Variants in TP53BP2 observed in about 807,000 individuals in gnomAD.
TP53BP2 encodes tumor protein p53 binding protein 2.
In TP53BP2, 62 loss-of-function variants were observed where a neutral mutation model predicts 126.2. That is an observed-to-expected ratio of 0.49 (90% CI 0.40 to 0.61). The LOEUF is 0.61. Ranked by LOEUF, TP53BP2 falls within the 20% of genes least tolerant of loss-of-function variation. The pLI, the probability that TP53BP2 is intolerant of heterozygous loss-of-function variation, is 0.00. For missense variants in TP53BP2, 1,215 were observed against 1,402.8 expected (o/e 0.87, Z 2.14); for synonymous variants, 485 against 502.9 (o/e 0.96, Z 0.48).
At chr1:223,790,159 G>A (rs1173889735) in intron 15 of TP53BP2, among the ~76,000 whole-genome samples, 4 of 152,018 alleles carry the variant, frequency 2.6e-5, no homozygotes, top group African/African-American at 9.7e-5. Context: ...TGGGGAGGCT[G>A]AGGCATGAGA....
intron 1 of TP53BP2, among the ~76,000 whole-genome samples, chr1:223,831,253 G>A (rs996196446): frequency 3.4e-5 from 5 of 148,698 alleles, no homozygotes; most frequent in Non-Finnish European, 6.0e-5. Flanking sequence ...AAATAGCTCG[G>A]TGTGGTAGCA....
chr1:223,844,145 G>C (rs1454817518), intron 1 of TP53BP2, among the ~76,000 whole-genome samples: 3 of 152,170 alleles, frequency 2.0e-5, no homozygotes, highest in African/African-American at 7.2e-5. Flanking sequence ...TGACTTCAAA[G>C]CTGGTGTAAG....
chr1:223,841,245 C>CAGGAAATAAATAAATA (rs1553264824), intron 1 of TP53BP2, among the ~76,000 whole-genome samples: 9 of 66,352 alleles, frequency 1.4e-4, no homozygotes, highest in Admixed American at 1.5e-4. Context: ...GACTCCGTCT[C>CAGGAAATAAATAAATA]AAGAAATAAA....
At chr1:223,843,381 G>A (rs543038660) in intron 1 of TP53BP2, among the ~76,000 whole-genome samples, 1 of 152,220 alleles carries the variant, frequency 6.6e-6, no homozygotes, top group Admixed American at 6.5e-5. Flanking sequence ...ATGTTGGCCA[G>A]GAGGGTCTCA....
chr1:223,790,024 C>A (rs1411223457), intron 15 of TP53BP2, among the ~76,000 whole-genome samples: 5 of 152,052 alleles, frequency 3.3e-5, no homozygotes, highest in Admixed American at 1.3e-4. Flanking sequence ...TGGCTCCCAG[C>A]ACTTTGGGAG....
Position 223,814,263 on chromosome 1 carries a change from T to G in TP53BP2, c.266A>C (p.Glu89Ala). Residue 89 changes from glutamate to alanine, a missense_variant, in exon 3 of 18, where the codon GAA becomes GCA. This residue lies in a region of TP53BP2 where 814 missense variants were observed against 853.0 expected (regional missense o/e 0.95). Coordinates refer to ENST00000343537, the MANE Select transcript of TP53BP2 (RefSeq NM_001031685.3). ...RNEVRFFLRH[E>A]RPPGRDIVSG... ...ACCAATGTCCCTGCCAGGGGGGCGT[T>G]CATGACGAAGGAAGAAGCGAACTTC... is the stretch of plus-strand genomic sequence containing the variant. The G allele has an allele frequency of 9.3e-6, 15 of 1,613,768 alleles. No individual in the cohort carries two copies. The highest frequency in any genetic ancestry group is 1.3e-5 in the Non-Finnish European group (15 of 1,179,734).
At chr1:223,789,756 T>C (rs553006337) in intron 15 of TP53BP2, among the ~76,000 whole-genome samples, 8 of 152,278 alleles carry the variant, frequency 5.3e-5, no homozygotes, top group East Asian at 1.9e-4. Flanking sequence ...ATTTCAACTA[T>C]AGGTAACTGG....
rs1242527561 is a variant in TP53BP2, at chr1:223,831,500, T to A, written c.28-10133A>T. 3.1e-4 allele frequency among the ~76,000 whole-genome samples: 40 copies of A among 130,424 alleles called. 1 individual carries two copies. The highest frequency in any genetic ancestry group is 1.1e-3 in the African/African-American group (38 of 33,062). 85.6% of individuals were successfully genotyped at this position (130,424 alleles called of 152,430 possible). On this transcript the variant is annotated intron_variant, in intron 1 of 17. Transcript: ENST00000343537. ...AAAAAAATATATATATATATATATA[T>A]ATATATATATATATATACTGACCTG...
chr1:223,830,155 C>T (rs915543590), intron 1 of TP53BP2, among the ~76,000 whole-genome samples: 1 of 152,108 alleles, frequency 6.6e-6, no homozygotes, highest in Non-Finnish European at 1.5e-5. Flanking sequence ...ACGCTTGGGA[C>T]CAGAAGTGTC....
intron 1 of TP53BP2, among the ~76,000 whole-genome samples, chr1:223,828,855 T>C (rs6661816): frequency 0.27 from 41,276 of 151,932 alleles, 7,564 homozygotes; most frequent in African/African-American, 0.52. Flanking sequence ...CTGATAAAGG[T>C]ATGGGGTTTC....
intron 2 of TP53BP2, among the ~76,000 whole-genome samples, chr1:223,817,232 A>AGAAAGGAGGAGGGGGAGG: frequency 2.0e-5 from 1 of 50,432 alleles, no homozygotes; most frequent in Non-Finnish European, 4.0e-5. Context: ...GGAGGGGGAG[A>AGAAAGGAGGAGGGGGAGG]GAAAGGATGA....
intron 13 of TP53BP2, among the ~76,000 whole-genome samples, chr1:223,794,361 C>T (rs1264596275): frequency 6.6e-6 from 1 of 152,146 alleles, no homozygotes; most frequent in Non-Finnish European, 1.5e-5. Context: ...TGTGCAATGA[C>T]TAAAATGTTG....
intron 16 of TP53BP2, among the ~76,000 whole-genome samples, chr1:223,787,829 G>T (rs565006423): frequency 9.9e-5 from 15 of 152,280 alleles, no homozygotes; most frequent in African/African-American, 3.1e-4. Context: ...AGTGAGCTGT[G>T]ATTGTGCCAC....
At chr1:223,819,305 T>G (rs971562560) in intron 2 of TP53BP2, among the ~76,000 whole-genome samples, 1 of 151,608 alleles carries the variant, frequency 6.6e-6, no homozygotes, top group Non-Finnish European at 1.5e-5. Flanking sequence ...AGGAACAGAG[T>G]ACAGCCCTGG....
At chr1:223,830,839 C>T (rs1454750080) in intron 1 of TP53BP2, among the ~76,000 whole-genome samples, 2 of 152,180 alleles carry the variant, frequency 1.3e-5, no homozygotes, top group Non-Finnish European at 2.9e-5. Context: ...TGGCTCACGC[C>T]TGTAATCCCA....
Position 223,796,309 on chromosome 1 carries a change from T to C in TP53BP2, c.2230A>G (p.Ile744Val), listed in dbSNP as rs372995866. The change falls in exon 13 of 18, where the codon ATT (isoleucine) becomes GTT (valine). Residue 744 changes from isoleucine to valine, a missense_variant. Physicochemically the swap from Ile to Val is conservative, Grantham distance 29 (BLOSUM62 3). This residue lies in a region of TP53BP2 where 46 missense variants were observed against 93.0 expected (regional missense o/e 0.49). Coordinates refer to ENST00000343537, the MANE Select transcript of TP53BP2 (RefSeq NM_001031685.3). The surrounding 1 kb of genome is among the most constrained non-coding windows in gnomAD (Gnocchi z 4.2). Reference protein sequence around the residue: ...APRPLKKRSSITEPEGPNGPN... With the variant: ...APRPLKKRSSVTEPEGPNGPN... The stretch of plus-strand genomic sequence containing the variant: ...CCATTAGGACCCTCTGGCTCTGTAA[T>C]AGAACTACGTTTCTTTAGAGGCCTT... The C allele has an allele frequency of 3.7e-6, 6 of 1,614,080 alleles. No individual in the cohort carries two copies. Among genetic ancestry groups the C allele is most frequent in the African/African-American group, 2.7e-5 (2 of 74,936 alleles).
At chr1:223,827,103 A>G (rs1663524055) in intron 1 of TP53BP2, among the ~76,000 whole-genome samples, 1 of 152,180 alleles carries the variant, frequency 6.6e-6, no homozygotes, top group African/African-American at 2.4e-5. Flanking sequence ...TCAAACGGAG[A>G]CATGAAGAGG....
At chr1:223,839,702 G>A (rs573187073) in intron 1 of TP53BP2, among the ~76,000 whole-genome samples, 4 of 152,316 alleles carry the variant, frequency 2.6e-5, no homozygotes, top group African/African-American at 7.2e-5. Context: ...CACTTTGGGA[G>A]GCAGATCACT....
intron 1 of TP53BP2, among the ~76,000 whole-genome samples, chr1:223,827,443 C>T (rs1479740141): frequency 6.6e-6 from 1 of 152,136 alleles, no homozygotes; most frequent in East Asian, 1.9e-4. Flanking sequence ...CTGCCTTGAC[C>T]AGCACTGAGT....
Sources: allele counts gnomAD v4.1 joint callset (sites outside exome capture counted in the v4.1 genomes callset), GRCh38; gene constraint gnomAD v4.1.1; regional missense constraint gnomAD v4.1.1; non-coding constraint Gnocchi (gnomAD v3.1); transcripts MANE v1.5; gene names NCBI Gene and HGNC (gene_info 2026-07-23, HGNC 2026-07-21).